The following ZNF813 variants were observed in gnomAD, a reference collection of about 807,000 sequenced individuals.
The protein encoded by ZNF813 is zinc finger protein 813.
ZNF813 carries 3 observed loss-of-function variants against 7.2 expected under a neutral mutation model. The observed-to-expected ratio is 0.42, with a 90% confidence interval of 0.19 to 1.08. The LOEUF (loss-of-function observed/expected upper bound fraction) is 1.08, where lower values mean the gene tolerates loss of function less well. Among genes scored for constraint, ZNF813 ranks in the 50% least tolerant of loss-of-function variants. The pLI, the probability that ZNF813 is intolerant of heterozygous loss-of-function variation, is 0.30. For synonymous variants in ZNF813, 227 were observed against 256.3 expected, an observed-to-expected ratio of 0.89 and a Z score of 1.09; for missense variants, 714 against 753.3, an observed-to-expected ratio of 0.95 and a Z score of 0.61.
chr19:53,488,165 C>T (rs758535132), intron 3 of ZNF813: 3 of 439,390 alleles, frequency 6.8e-6, no homozygotes, highest in South Asian at 4.8e-5. Context: ...GCTGGGATTA[C>T]AGGCATGTGC....
At position 53,494,785 on chromosome 19, in the gene ZNF813, G is replaced by A. The variant is rs186048878; in HGVS notation, c.*2699G>A. On this transcript the variant is annotated 3_prime_UTR_variant, in exon 4 of 4. Transcript: ENST00000396403. Reference sequence around the variant, plus strand: ...GGCCTGTAATCCCAGCACTTTCAGAGGCCAAGACAGGTGGGTCATGTAAGC... The same window carrying A: ...GGCCTGTAATCCCAGCACTTTCAGAAGCCAAGACAGGTGGGTCATGTAAGC... 1 of 152,326 alleles carries A rather than the reference G, an allele frequency of 6.6e-6. No individual in the cohort carries two copies. Among genetic ancestry groups the A allele is most frequent in the Non-Finnish European group, 1.5e-5 (1 of 68,056 alleles). The allele number at this position is 152,326 out of a possible 1,614,324, so 9.4% of individuals were successfully genotyped here.
chr19:53,467,786 G>A lies in ZNF813; in HGVS notation c.-77G>A. On this transcript the variant is annotated 5_prime_UTR_variant, in exon 1 of 4. Coordinates refer to ENST00000396403, the MANE Select transcript of ZNF813 (RefSeq NM_001004301.4). ...CGCGTGGAGTGACGGTCCCACGGCA[G>A]CGCGTGAGTTTGGCTCTGTGTTGTA... The A allele has an allele frequency of 5.7e-6, 1 of 175,892 alleles. No homozygotes were observed. Among genetic ancestry groups the A allele is most frequent in the South Asian group, 1.1e-4 (1 of 9,508 alleles). 10.9% of individuals were successfully genotyped at this position (175,892 alleles called of 1,614,324 possible). A position where few individuals can be genotyped will look rare whatever the true frequency, so the allele number is the denominator to read the frequency against.
At position 53,493,049 on chromosome 19, in the gene ZNF813, A is replaced by G; in HGVS notation, c.*963A>G. On this transcript the variant is annotated 3_prime_UTR_variant, in exon 4 of 4. Transcript: ENST00000396403. ...TTTTGAGATAATTGTTCCAAATGCA[A>G]TGAGTAGAGCAAACCATCAAGCAGT... The G allele has an allele frequency of 2.4e-6, 1 of 409,472 alleles. No homozygotes were observed. Among genetic ancestry groups the G allele is most frequent in the Non-Finnish European group, 4.9e-6 (1 of 205,052 alleles). 25.4% of individuals were successfully genotyped at this position (409,472 alleles called of 1,614,324 possible).
At position 53,491,701 on chromosome 19, in the gene ZNF813, C is replaced by T. The variant is rs1288945163; in HGVS notation, c.1469C>T (p.Thr490Ile). Residue 490 changes from threonine (T) to isoleucine (I), a missense_variant, in exon 4 of 4, where the codon ACT becomes ATT. Thr to Ile is a moderately conservative substitution (Grantham distance 89). Coordinates refer to ENST00000396403, the MANE Select transcript of ZNF813 (RefSeq NM_001004301.4). ...SALVIHTAIHTGEKPYKCNEC... is the reference protein window; with the variant it reads ...SALVIHTAIHIGEKPYKCNEC... ...CTCGTAATTCATACGGCAATTCATA[C>T]TGGAGAGAAACCTTACAAGTGTAAT... 1 of 1,613,644 alleles carries T rather than the reference C, an allele frequency of 6.2e-7. No homozygotes were observed. The highest frequency in any genetic ancestry group is 1.1e-5 in the South Asian group (1 of 91,026).
Position 53,492,243 on chromosome 19 carries a change from C to G in ZNF813, c.*157C>G, listed in dbSNP as rs1371125107. 6 of 985,442 alleles carry G rather than the reference C, an allele frequency of 6.1e-6. No individual in the cohort carries two copies. In the East Asian group the frequency reaches 1.5e-4, roughly 25 times the overall value. 61.0% of individuals were successfully genotyped at this position (985,442 alleles called of 1,614,324 possible). The stretch of plus-strand genomic sequence containing the variant: ...TGAACGTTGCAAAATTTTTAATCAA[C>G]AAGCACACCTTCCACGTCATCATAG... On this transcript the variant is annotated 3_prime_UTR_variant, in exon 4 of 4. Transcript: ENST00000396403.
intron 1 of ZNF813, among the ~76,000 whole-genome samples, chr19:53,480,832 G>C (rs559431702): frequency 1.3e-5 from 2 of 152,168 alleles, no homozygotes; most frequent in East Asian, 3.9e-4. Flanking sequence ...AACTTTTGGG[G>C]TGGCCAGACC....
chr19:53,488,675 T>C (rs913394806), intron 3 of ZNF813, among the ~76,000 whole-genome samples: 1 of 151,706 alleles, frequency 6.6e-6, no homozygotes, highest in African/African-American at 2.4e-5. Context: ...TGCCTCAGCC[T>C]GCCAAAGTGC....
In ZNF813 at chr19:53,494,221, T is replaced by A. The variant is rs1230825845; in HGVS notation, c.*2135T>A. On this transcript the variant is annotated 3_prime_UTR_variant, in exon 4 of 4. Coordinates refer to ENST00000396403, the MANE Select transcript of ZNF813 (RefSeq NM_001004301.4). Reference sequence around the variant, plus strand: ...CAAGAAGTTCATGGAAAAATACATATTTTGCATATTATGAGAAAATTGTGT... The same window carrying A: ...CAAGAAGTTCATGGAAAAATACATAATTTGCATATTATGAGAAAATTGTGT... 6.6e-6 allele frequency: 1 copy of A among 152,202 alleles called. No homozygotes were observed. Among genetic ancestry groups the A allele is most frequent in the Admixed American group, 6.5e-5 (1 of 15,274 alleles). The allele number at this position is 152,202 out of a possible 1,614,324, so 9.4% of individuals were successfully genotyped here. A position where few individuals can be genotyped will look rare whatever the true frequency, so the allele number is the denominator to read the frequency against.
In ZNF813 at chr19:53,487,721, CTGGGAGGTG is replaced by C. The variant is rs539362315; in HGVS notation, c.142+964_142+972del. On this transcript the variant is annotated intron_variant, in intron 3 of 3. Coordinates refer to ENST00000396403, the MANE Select transcript of ZNF813 (RefSeq NM_001004301.4). ...GCTAAGGCAGGAGAGTCGCTTGAAC[CTGGGAGGTG>C]AAGGTTGCAGTGAGCTGAGACTGTG... Among the ~76,000 whole-genome samples the C allele has an allele frequency of 8.0e-5, 12 of 149,686 alleles. No homozygotes were observed. In the South Asian group the frequency reaches 2.6e-3, roughly 32 times the overall value.
intron 1 of ZNF813, among the ~76,000 whole-genome samples, chr19:53,483,373 A>C (rs2086418422): frequency 6.6e-6 from 1 of 152,008 alleles, no homozygotes; most frequent in African/African-American, 2.4e-5. Flanking sequence ...TATTTTTGGT[A>C]GAGATGGGGT....
chr19:53,484,139 G>A (rs1293596069), intron 2 of ZNF813, among the ~76,000 whole-genome samples: 1 of 152,032 alleles, frequency 6.6e-6, no homozygotes, highest in Admixed American at 6.6e-5. Flanking sequence ...TTGTTCAGTG[G>A]CCACATGTGG....
chr19:53,482,712 G>GTTTTTTTTTTT (rs869250512), intron 1 of ZNF813, among the ~76,000 whole-genome samples: 9 of 89,088 alleles, frequency 1.0e-4, no homozygotes, highest in African/African-American at 1.4e-4. Flanking sequence ...AATGCTTTTT[G>GTTTTTTTTTTT]TTTTTTTTTT....
At chr19:53,484,035 T>A (rs11671044) in intron 2 of ZNF813, among the ~76,000 whole-genome samples, 198 bp downstream of exon 2, 1 of 151,906 alleles carries the variant, frequency 6.6e-6, no homozygotes, top group Non-Finnish European at 1.5e-5. Flanking sequence ...GGGAAGAGGC[T>A]GCACTGGGCA....
At chr19:53,483,073 T>C (rs1382575014) in intron 1 of ZNF813, among the ~76,000 whole-genome samples, 1 of 151,680 alleles carries the variant, frequency 6.6e-6, no homozygotes, top group Non-Finnish European at 1.5e-5. Flanking sequence ...CCAAGCCCAG[T>C]TGCTTTTTAT....
Position 53,483,791 on chromosome 19 carries a change from G to A in ZNF813, c.-32G>A, listed in dbSNP as rs757058367. ...CTCTTGGTATGTGAGGAAGAAACCTGGAAGAGGAAGAGGAAAGCAAAGGAG... is the reference window on the plus strand; with the variant it reads ...CTCTTGGTATGTGAGGAAGAAACCTAGAAGAGGAAGAGGAAAGCAAAGGAG... On this transcript the variant is annotated 5_prime_UTR_variant, in exon 2 of 4. Transcript: ENST00000396403. 5 of 1,612,596 alleles carry A rather than the reference G, an allele frequency of 3.1e-6. No individual in the cohort carries two copies. In the South Asian group the frequency reaches 3.3e-5, roughly 11 times the overall value.
In ZNF813 at chr19:53,490,931, T is replaced by C; in HGVS notation, c.699T>C (p.His233=). ...ATTATAGCTCACTCTTAAGGAAACA[T>C]CAAATAATCCATTTAGGAGAGAAAC... The part of the protein sequence containing the change: ...AFNYSSLLRK[H]QIIHLGEKQY... Residue 233 remains histidine, a synonymous_variant, in exon 4 of 4, where the codon CAT becomes CAC. Transcript: ENST00000396403. 1 of 1,614,082 alleles carries C rather than the reference T, an allele frequency of 6.2e-7. No individual in the cohort carries two copies. Among genetic ancestry groups the C allele is most frequent in the Admixed American group, 1.7e-5 (1 of 60,000 alleles).
At chr19:53,475,870 G>T (rs1293150019) in intron 1 of ZNF813, among the ~76,000 whole-genome samples, 1 of 152,200 alleles carries the variant, frequency 6.6e-6, no homozygotes, top group African/African-American at 2.4e-5. Context: ...TTAAGGCTGG[G>T]ACCTGAGTTA....
Position 53,490,536 on chromosome 19 carries a change from C to A in ZNF813, c.304C>A (p.Gln102Lys). The part of the protein sequence containing the change: ...KDIHNLEFQW[Q>K]EDERNSHEAP... ...TATTCATAACTTAGAGTTTCAGTGGCAAGAAGATGAAAGAAATAGCCATGA... is the reference window on the plus strand; with the variant it reads ...TATTCATAACTTAGAGTTTCAGTGGAAAGAAGATGAAAGAAATAGCCATGA... The change falls in exon 4 of 4, where the codon CAA becomes AAA. Residue 102 changes from glutamine (Q) to lysine (K), a missense_variant. Around this residue, in one of 3 missense-constraint regions of ZNF813, gnomAD observed 563 missense variants for 554.2 expected, o/e 1.02. Transcript: ENST00000396403. 6.2e-7 allele frequency: 1 copy of A among 1,614,038 alleles called. No homozygotes were observed. The highest frequency in any genetic ancestry group is 1.1e-5 in the South Asian group (1 of 91,076).
chr19:53,469,721 G>C (rs971822287), intron 1 of ZNF813, among the ~76,000 whole-genome samples: 35 of 40,090 alleles, frequency 8.7e-4, no homozygotes, highest in East Asian at 2.2e-3. Flanking sequence ...AGACAGAGCA[G>C]AGTGGTGCTG....
Sources: allele counts gnomAD v4.1 joint callset (sites outside exome capture counted in the v4.1 genomes callset), GRCh38; gene constraint gnomAD v4.1.1; regional missense constraint gnomAD v4.1.1; transcripts MANE v1.5; gene names NCBI Gene and HGNC (gene_info 2026-07-23, HGNC 2026-07-21).